The following SATB1 variants were observed in gnomAD, a reference collection of about 807,000 sequenced individuals.
SATB1 encodes the protein SATB homeobox 1.
Under a neutral mutation model 86.9 loss-of-function variants are expected in SATB1, and 11 were observed. The observed-to-expected ratio is 0.13, with a 90% CI of 0.08 to 0.21. The LOEUF is 0.21. Ranked by LOEUF, SATB1 falls within the 10% of genes least tolerant of loss-of-function variation. The pLI is 1.00. For missense variants in SATB1, 551 were observed against 937.6 expected, an observed-to-expected ratio of 0.59 and a Z score of 5.39; for synonymous variants, 357 against 357.2, an observed-to-expected ratio of 1.00 and a Z score of 0.01.
At chr3:18,402,992 A>C (rs2125132451) in intron 5 of SATB1, among the ~76,000 whole-genome samples, 1 of 152,248 alleles carries the variant, frequency 6.6e-6, no homozygotes, top group African/African-American at 2.4e-5. Context: ...GATTTTTTTC[A>C]ACCAGAACAG....
Position 18,349,782 on chromosome 3 carries a change from G to T in SATB1, c.1780-100C>A, listed in dbSNP as rs139926991. On this transcript the variant is annotated intron_variant, in intron 10 of 10. Coordinates refer to ENST00000338745, the MANE Select transcript of SATB1 (RefSeq NM_002971.6). This position sits in a 1 kb window ranked among gnomAD's most constrained non-coding sequence, Gnocchi z 5.5. The stretch of plus-strand genomic sequence containing the variant: ...AATGTGGTCCCGGATCCTACATATA[G>T]CTTCTTTGATAGGGATGAAGATTTA... The T allele has an allele frequency of 1.1e-5, 16 of 1,460,078 alleles. No homozygotes were observed. In the African/African-American group the frequency reaches 2.1e-4, roughly 19 times the overall value. 90.4% of individuals were successfully genotyped at this position (1,460,078 alleles called of 1,614,324 possible).
At chr3:18,393,282 A>G (rs1343687402) in intron 7 of SATB1, among the ~76,000 whole-genome samples, 1 of 152,194 alleles carries the variant, frequency 6.6e-6, no homozygotes, top group African/African-American at 2.4e-5. Flanking sequence ...GAAAAGGCAT[A>G]ATGTCCTTCT....
intron 5 of SATB1, among the ~76,000 whole-genome samples, chr3:18,412,040 C>T (rs906918641): frequency 1.8e-4 from 27 of 151,910 alleles, no homozygotes; most frequent in African/African-American, 6.3e-4. Flanking sequence ...GGTGCTATCT[C>T]GGCTAACTGC....
Position 18,349,697 on chromosome 3 carries a change from G to A in SATB1, c.1780-15C>T, listed in dbSNP as rs752698343. On this transcript the variant is annotated splice_polypyrimidine_tract_variant and intron_variant, in intron 10 of 10. Transcript: ENST00000338745. The surrounding 1 kb of genome is among the most constrained non-coding windows in gnomAD (Gnocchi z 5.5). ...TGCTGCTGTTGCTGCAAAGAAACAA[G>A]GAGACAATCAGAGCTCTGCTATCGT... 1.4e-5 allele frequency: 22 copies of A among 1,582,108 alleles called. 1 individual carries two copies. The Admixed American group carries it at 1.8e-4, about 13-fold the overall frequency.
At chr3:18,418,959 T>C (rs888035191) in intron 2 of SATB1, among the ~76,000 whole-genome samples, 34 of 152,218 alleles carry the variant, frequency 2.2e-4, no homozygotes, top group African/African-American at 7.5e-4. Flanking sequence ...TGTCCTGATA[T>C]CTTCAAAGAG....
chr3:18,355,266 C>A (rs1694573148), intron 9 of SATB1, among the ~76,000 whole-genome samples: 1 of 152,056 alleles, frequency 6.6e-6, no homozygotes, highest in East Asian at 1.9e-4. Flanking sequence ...AATAAATTGG[C>A]TCATTCCCAG....
intron 5 of SATB1, among the ~76,000 whole-genome samples, chr3:18,413,976 A>C (rs956490143): frequency 1.3e-5 from 2 of 152,112 alleles, no homozygotes; most frequent in African/African-American, 4.8e-5. Context: ...GGTACCCAAT[A>C]ATCTTCATAA....
At chr3:18,392,402 G>GAA (rs1438965523) in intron 7 of SATB1, among the ~76,000 whole-genome samples, 1 of 152,096 alleles carries the variant, frequency 6.6e-6, no homozygotes, top group African/African-American at 2.4e-5. Context: ...CCCAAAAGGA[G>GAA]AAAAGCTGTA....
chr3:18,385,483 C>T (rs923855337), intron 8 of SATB1, among the ~76,000 whole-genome samples: 2 of 151,900 alleles, frequency 1.3e-5, no homozygotes, highest in African/African-American at 4.8e-5. Context: ...ATTAGCTGGG[C>T]GTGGTGGCAG....
At chr3:18,399,913 T>A (rs1697164648) in intron 5 of SATB1, among the ~76,000 whole-genome samples, 2 of 152,026 alleles carry the variant, frequency 1.3e-5, no homozygotes, top group South Asian at 4.1e-4. Context: ...GAGGTGTATG[T>A]GTGTGGGCGT....
chr3:18,439,421 C>G (rs551901001), upstream of SATB1, among the ~76,000 whole-genome samples: 201 of 152,194 alleles, frequency 1.3e-3, 2 homozygotes, highest in East Asian at 3.7e-3. Context: ...TCTGAAATAT[C>G]TAATCTTAAA....
At position 18,349,770 on chromosome 3, in the gene SATB1, A is replaced by C; in HGVS notation, c.1780-88T>G. 3 of 1,487,708 alleles carry C rather than the reference A, an allele frequency of 2.0e-6. No homozygotes were observed. The highest frequency in any genetic ancestry group is 2.7e-6 in the Non-Finnish European group (3 of 1,121,684). The allele number at this position is 1,487,708 out of a possible 1,614,324, so 92.2% of individuals were successfully genotyped here. On this transcript the variant is annotated intron_variant, in intron 10 of 10. Coordinates refer to ENST00000338745, the MANE Select transcript of SATB1 (RefSeq NM_002971.6). The surrounding 1 kb of genome is among the most constrained non-coding windows in gnomAD (Gnocchi z 5.5). The stretch of plus-strand genomic sequence containing the variant: ...CCAATCAGGAAAAATGTGGTCCCGG[A>C]TCCTACATATAGCTTCTTTGATAGG...
chr3:18,412,122 TTTA>T (rs1697877567), intron 5 of SATB1, among the ~76,000 whole-genome samples: 2 of 151,990 alleles, frequency 1.3e-5, no homozygotes, highest in Admixed American at 1.3e-4. Context: ...CACTTTAAAA[TTTA>T]TTGTCAGGCA....
intron 8 of SATB1, among the ~76,000 whole-genome samples, chr3:18,378,966 T>C (rs1695906326): frequency 6.6e-6 from 1 of 152,240 alleles, no homozygotes; most frequent in South Asian, 2.1e-4. Context: ...TATAATTATT[T>C]CATCTTTTCC....
intron 5 of SATB1, among the ~76,000 whole-genome samples, chr3:18,407,413 T>C (rs965355313): frequency 6.6e-6 from 1 of 152,058 alleles, no homozygotes; most frequent in Admixed American, 6.6e-5. Flanking sequence ...AAATCTTCCA[T>C]GTAGCCAGAG....
In SATB1 at chr3:18,346,852, T is replaced by TTTTA. The variant is rs1468994322; in HGVS notation, c.*2314_*2317dup. 6.6e-6 allele frequency: 1 copy of TTTTA among 152,144 alleles called. No individual in the cohort carries two copies. Among genetic ancestry groups the TTTTA allele is most frequent in the Non-Finnish European group, 1.5e-5 (1 of 68,004 alleles). The allele number at this position is 152,144 out of a possible 1,614,324, so 9.4% of individuals were successfully genotyped here. On this transcript the variant is annotated 3_prime_UTR_variant, in exon 11 of 11. Transcript: ENST00000338745. Reference sequence around the variant, plus strand: ...TAACTTCATGGCATTTGAGTTTCTATTTTATTTCCTATTTTTTAAATACAT... The same window carrying TTTTA: ...TAACTTCATGGCATTTGAGTTTCTATTTTATTTATTTCCTATTTTTTAAATACAT...
chr3:18,434,058 G>T (rs890463158), intron 2 of SATB1, among the ~76,000 whole-genome samples: 33 of 152,012 alleles, frequency 2.2e-4, no homozygotes, highest in African/African-American at 8.0e-4. Flanking sequence ...CCAGCTTTCT[G>T]TTTTAAGGCT....
intron 8 of SATB1, among the ~76,000 whole-genome samples, chr3:18,384,334 A>G (rs911611499): frequency 6.6e-6 from 1 of 152,206 alleles, no homozygotes; most frequent in Admixed American, 6.5e-5. Context: ...CTTTAGCTCA[A>G]GAAAAAGCTT....
At chr3:18,371,814 C>T (rs1180226969) in intron 9 of SATB1, among the ~76,000 whole-genome samples, 1 of 152,186 alleles carries the variant, frequency 6.6e-6, no homozygotes, top group Non-Finnish European at 1.5e-5. Context: ...AAAACACTTT[C>T]ATCTTCTAAC....
Sources: allele counts gnomAD v4.1 joint callset (sites outside exome capture counted in the v4.1 genomes callset), GRCh38; gene constraint gnomAD v4.1.1; non-coding constraint Gnocchi (gnomAD v3.1); transcripts MANE v1.5; gene names NCBI Gene and HGNC (gene_info 2026-07-23, HGNC 2026-07-21).